TMEM132D: variants seen among roughly 807,000 people sequenced by gnomAD.
TMEM132D encodes the protein transmembrane protein 132D, also known as mature OL transmembrane protein.
A neutral mutation model predicts 62.3 loss-of-function variants in TMEM132D; 21 were observed. That is an observed-to-expected ratio of 0.34 (90% CI 0.24 to 0.49). The LOEUF (loss-of-function observed/expected upper bound fraction) is 0.49, where lower values mean the gene tolerates loss of function less well. TMEM132D is among the 20% of genes least tolerant of loss of function. The pLI is 0.99. For missense variants in TMEM132D, 1,346 were observed against 1,402.8 expected (o/e 0.96, Z 0.65); for synonymous variants, 621 against 575.6 (o/e 1.08, Z -1.13).
At chr12:129,285,866 C>T (rs115378399) in intron 4 of TMEM132D, among the ~76,000 whole-genome samples, 1,790 of 152,230 alleles carry the variant, frequency 0.012, 35 homozygotes, top group African/African-American at 0.04. Flanking sequence ...TCCATCACGA[C>T]CTGTTGTCAG....
intron 1 of TMEM132D, among the ~76,000 whole-genome samples, chr12:129,738,735 C>T (rs891895920): frequency 2.0e-5 from 3 of 152,144 alleles, no homozygotes; most frequent in African/African-American, 7.2e-5. Flanking sequence ...CGGCCCAGGA[C>T]AGAAGCAAAT....
At chr12:129,213,601 T>C (rs548228012) in intron 4 of TMEM132D, among the ~76,000 whole-genome samples, 9 of 152,320 alleles carry the variant, frequency 5.9e-5, no homozygotes, top group East Asian at 1.9e-4. Context: ...GGCTGAAAGA[T>C]TGGGCATCTG....
intron 5 of TMEM132D, among the ~76,000 whole-genome samples, chr12:129,159,881 G>C (rs1877351786): frequency 6.6e-6 from 1 of 152,126 alleles, no homozygotes; most frequent in South Asian, 2.1e-4. Flanking sequence ...ACAGGGGAGA[G>C]TTAGAATGGC....
At chr12:129,597,420 A>T (rs1397220725) in intron 2 of TMEM132D, among the ~76,000 whole-genome samples, 2 of 152,058 alleles carry the variant, frequency 1.3e-5, no homozygotes, top group Non-Finnish European at 2.9e-5. Context: ...TGAACACCCC[A>T]TACTTACATC....
In TMEM132D at chr12:129,194,101, T is replaced by C. The variant is rs544635942; in HGVS notation, c.1443+15419A>G. 3.9e-5 allele frequency among the ~76,000 whole-genome samples: 6 copies of C among 152,372 alleles called. No homozygotes were observed. In the East Asian group the frequency reaches 1.2e-3, roughly 29 times the overall value. ...TACCCAGTACCTGTTAAAGGAACCC[T>C]TGGTCCATGGCTCCTTGTTTTCATT... On this transcript the variant is annotated intron_variant, in intron 5 of 8. Transcript: ENST00000422113.
intron 2 of TMEM132D, among the ~76,000 whole-genome samples, chr12:129,672,825 G>C (rs1170648852): frequency 2.0e-5 from 3 of 152,188 alleles, no homozygotes; most frequent in Non-Finnish European, 2.9e-5. Flanking sequence ...TCGGCTCACT[G>C]CAACCTCTGC....
chr12:129,529,038 A>C (rs1236768136), intron 3 of TMEM132D, among the ~76,000 whole-genome samples: 2 of 152,362 alleles, frequency 1.3e-5, no homozygotes, highest in Admixed American at 1.3e-4. Flanking sequence ...GTACACACAT[A>C]TAACATATTA....
intron 3 of TMEM132D, among the ~76,000 whole-genome samples, chr12:129,460,090 C>T (rs1873610612): frequency 6.6e-6 from 1 of 152,150 alleles, no homozygotes. Context: ...GACAGAGCCA[C>T]CAGCAGACAT....
chr12:129,274,714 G>A (rs968101654), intron 4 of TMEM132D, among the ~76,000 whole-genome samples: 2 of 151,946 alleles, frequency 1.3e-5, no homozygotes, highest in African/African-American at 2.4e-5. Context: ...GTGAAACCCC[G>A]TCTCTACTAA....
intron 2 of TMEM132D, among the ~76,000 whole-genome samples, chr12:129,687,080 G>T (rs1352253337): frequency 6.6e-6 from 1 of 152,150 alleles, no homozygotes; most frequent in African/African-American, 2.4e-5. Flanking sequence ...TCCTTGCAAG[G>T]TTGTCCTGAG....
At chr12:129,396,583 C>T (rs1276624057) in intron 3 of TMEM132D, among the ~76,000 whole-genome samples, 2 of 152,116 alleles carry the variant, frequency 1.3e-5, no homozygotes, top group African/African-American at 2.4e-5. Context: ...GGAGGAGACC[C>T]GCAGGATGCA....
At chr12:129,754,877 G>A (rs1455203636) in intron 1 of TMEM132D, among the ~76,000 whole-genome samples, 2 of 152,084 alleles carry the variant, frequency 1.3e-5, no homozygotes, top group Non-Finnish European at 2.9e-5. Flanking sequence ...GGCATCTTGT[G>A]TTATCTTTAG....
At chr12:129,823,698 A>G (rs1872591954) in intron 1 of TMEM132D, among the ~76,000 whole-genome samples, 2 of 152,194 alleles carry the variant, frequency 1.3e-5, no homozygotes, top group Admixed American at 1.3e-4. Context: ...GAGAGGAAGG[A>G]GGTAGAGGTG....
intron 4 of TMEM132D, among the ~76,000 whole-genome samples, chr12:129,241,862 C>G (rs1297959197): frequency 1.3e-5 from 2 of 152,220 alleles, no homozygotes; most frequent in African/African-American, 4.8e-5. Flanking sequence ...AAAATACTTG[C>G]TGAATGGATG....
intron 3 of TMEM132D, among the ~76,000 whole-genome samples, chr12:129,522,963 T>C (rs1459215053): frequency 2.0e-5 from 3 of 151,526 alleles, no homozygotes; most frequent in Non-Finnish European, 4.4e-5. Flanking sequence ...TATATATATA[T>C]ACATAGATTA....
intron 3 of TMEM132D, among the ~76,000 whole-genome samples, chr12:129,497,747 C>A (rs552834726): frequency 2.6e-5 from 4 of 152,138 alleles, no homozygotes; most frequent in Admixed American, 2.6e-4. Context: ...ACAGCCTCGA[C>A]TTCCCCGACT....
intron 4 of TMEM132D, among the ~76,000 whole-genome samples, chr12:129,228,878 A>G (rs1879556561): frequency 6.6e-6 from 1 of 152,224 alleles, no homozygotes; most frequent in Non-Finnish European, 1.5e-5. Flanking sequence ...ATGGATCACA[A>G]CATTTGAAAA....
chr12:129,886,264 T>TG, intron 1 of TMEM132D, among the ~76,000 whole-genome samples: 1 of 152,294 alleles, frequency 6.6e-6, no homozygotes, highest in African/African-American at 2.4e-5. Flanking sequence ...ATTGTACTTT[T>TG]GCAACTGTGG....
At chr12:129,298,507 C>G (rs1172210834) in intron 4 of TMEM132D, among the ~76,000 whole-genome samples, 2 of 151,992 alleles carry the variant, frequency 1.3e-5, no homozygotes, top group African/African-American at 4.8e-5. Flanking sequence ...ATATAAAAGG[C>G]CTCACTGTTA....
Sources: gnomAD v4.1 joint callset for allele counts (sites outside exome capture counted in the v4.1 genomes callset) on GRCh38, gnomAD v4.1.1 for gene constraint, MANE v1.5 for transcripts, NCBI Gene and HGNC (gene_info 2026-07-23, HGNC 2026-07-21) for gene names.